GAREM2: variants seen among roughly 807,000 people sequenced by gnomAD.
GAREM2 encodes GRB2-associated and regulator of MAPK protein 2.
GAREM2 carries 30 observed loss-of-function variants against 55.6 expected under a neutral mutation model. The observed-to-expected ratio is 0.54, with a 90% CI of 0.40 to 0.73. The LOEUF (loss-of-function observed/expected upper bound fraction) is 0.73, where lower values mean the gene tolerates loss of function less well. GAREM2 is among the 30% of genes least tolerant of loss of function. GAREM2 has a pLI of 0.00. For missense variants in GAREM2, 1,075 were observed against 1,257.7 expected, an observed-to-expected ratio of 0.85 and a Z score of 2.20; for synonymous variants, 550 against 569.1, an observed-to-expected ratio of 0.97 and a Z score of 0.48.
At chr2:26,191,401 T>C (rs1387891246), downstream of GAREM2, 2 of 1,613,986 alleles carry the variant, frequency 1.2e-6, no homozygotes, top group Non-Finnish European at 1.7e-6. Context: ...AGGCCCTGAA[T>C]AGAGAAAGAG....
chr2:26,200,735 CTT>C, the GAREM2 span, among the ~76,000 whole-genome samples: 420 of 138,802 alleles, frequency 3.0e-3, no homozygotes, highest in Middle Eastern at 7.1e-3. Context: ...AACAAAAAGT[CTT>C]TTTTTTTTTT....
chr2:26,191,736 G>T, downstream of GAREM2: 5 of 1,110,998 alleles, frequency 4.5e-6, no homozygotes, highest in South Asian at 3.8e-5. Flanking sequence ...AGCTCTGTGG[G>T]CCGGTTGGTG....
chr2:26,174,228 C>T (rs1236802264), intron 1 of GAREM2, among the ~76,000 whole-genome samples: 2 of 152,182 alleles, frequency 1.3e-5, no homozygotes, highest in African/African-American at 4.8e-5. Flanking sequence ...TCCGTGGCGG[C>T]CAGGAGTGGG....
Position 26,187,386 on chromosome 2 carries a change from G to C in GAREM2, c.1754G>C (p.Arg585Pro), listed in dbSNP as rs956746017. 1.3e-6 allele frequency: 2 copies of C among 1,546,374 alleles called. No homozygotes were observed. Among genetic ancestry groups the C allele is most frequent in the Non-Finnish European group, 1.7e-6 (2 of 1,144,648 alleles). ...ACCACACAGCCCAGCCAGGCCTCCC[G>C]GGCCCTCACAGAGCCTCTGAGCGGT... ...PSTTQPSQASRALTEPLSGRA... is the reference protein window; with the variant it reads ...PSTTQPSQASPALTEPLSGRA... Residue 585 changes from arginine (R) to proline (P), a missense_variant, in exon 6 of 6, where the codon CGG (arginine) becomes CCG (proline). Physicochemically the swap from Arg to Pro is moderately radical, Grantham distance 103. This residue lies in a region of GAREM2 where 515 missense variants were observed against 501.5 expected (regional missense o/e 1.03). Coordinates refer to ENST00000401533, the MANE Select transcript of GAREM2 (RefSeq NM_001168241.2).
the GAREM2 span, among the ~76,000 whole-genome samples, chr2:26,201,961 A>ATTT: frequency 1.5e-5 from 2 of 137,198 alleles, no homozygotes; most frequent in African/African-American, 5.4e-5. Flanking sequence ...CGCCTGGCTA[A>ATTT]TTTTTTTTTT....
At chr2:26,182,517 C>G in intron 2 of GAREM2, 1 of 1,542,534 alleles carries the variant, frequency 6.5e-7, no homozygotes, top group Non-Finnish European at 8.8e-7. Flanking sequence ...TCATCTGTCC[C>G]TACCCCCTCA....
the GAREM2 span, chr2:26,197,647 G>T: frequency 1.1e-6 from 1 of 879,244 alleles, no homozygotes; most frequent in South Asian, 1.3e-5. Flanking sequence ...CAGTGAATCT[G>T]AAGCAATAAA....
At chr2:26,173,644 CCG>C (rs1415910418) in intron 1 of GAREM2, among the ~76,000 whole-genome samples, 1 of 152,006 alleles carries the variant, frequency 6.6e-6, no homozygotes, top group Non-Finnish European at 1.5e-5. Context: ...CCCCTTTCCC[CCG>C]CTGCCCCTGG....
In GAREM2 at chr2:26,187,500, G is replaced by C. The variant is rs375996014; in HGVS notation, c.1868G>C (p.Arg623Pro). 1 of 1,544,482 alleles carries C rather than the reference G, an allele frequency of 6.5e-7. No homozygotes were observed. The highest frequency in any genetic ancestry group is 1.2e-5 in the South Asian group (1 of 82,856). The stretch of plus-strand genomic sequence containing the variant: ...TTCAAGCCCTCACATCCCCAGAAGC[G>C]CTTTGCTCCGTTTGGAGCTCTCAAC... ...PLFKPSHPQK[R>P]FAPFGALNPF... The change falls in exon 6 of 6, where the codon CGC (arginine) becomes CCC (proline). Residue 623 changes from arginine (R) to proline (P), a missense_variant. Arg to Pro is a moderately radical substitution (Grantham distance 103). Around this residue, in one of 6 missense-constraint regions of GAREM2, gnomAD observed 515 missense variants for 501.5 expected, o/e 1.03. Transcript: ENST00000401533.
At chr2:26,193,511 G>T, downstream of GAREM2, 2 of 1,286,450 alleles carry the variant, frequency 1.6e-6, no homozygotes, top group Non-Finnish European at 2.3e-6. Flanking sequence ...GTAACTCTTT[G>T]GTCTCAGGAA....
chr2:26,190,893 T>G, downstream of GAREM2: 1 of 370,550 alleles, frequency 2.7e-6, no homozygotes, highest in Non-Finnish European at 5.0e-6. Context: ...TTGGTTTTTA[T>G]TGTTATGTGT....
intron 2 of GAREM2, chr2:26,181,622 A>G (rs1422107746): frequency 6.6e-6 from 1 of 152,194 alleles, no homozygotes; most frequent in Non-Finnish European, 1.5e-5. Context: ...TGAGTGCTCC[A>G]TCAATATCTG....
rs1458910030 is a variant in GAREM2, at chr2:26,186,426, G to T, written c.1598+68G>T. On this transcript the variant is annotated intron_variant, in intron 5 of 5. Coordinates refer to ENST00000401533, the MANE Select transcript of GAREM2 (RefSeq NM_001168241.2). ...CAAGGCAGGGAAGGGTGAGGAGGGG[G>T]AACTACAGTGCTGAGGAAGAGGAAG... is the stretch of plus-strand genomic sequence containing the variant. The T allele has an allele frequency of 3.5e-6, 5 of 1,413,000 alleles. No individual in the cohort carries two copies. The African/African-American group carries it at 5.7e-5, about 16-fold the overall frequency. 87.5% of individuals were successfully genotyped at this position (1,413,000 alleles called of 1,614,324 possible).
Position 26,185,426 on chromosome 2 carries a change from C to T in GAREM2, c.1428+150C>T, listed in dbSNP as rs1015024969. 3.9e-6 allele frequency: 5 copies of T among 1,282,768 alleles called. No homozygotes were observed. The South Asian group carries it at 6.6e-5, about 17-fold the overall frequency. 79.5% of individuals were successfully genotyped at this position (1,282,768 alleles called of 1,614,324 possible). ...AAGGAAAGGGCAGAGGCATGCCAGGCAAAAGCATTTGTAGTAAGGGGCACT... is the reference window on the plus strand; with the variant it reads ...AAGGAAAGGGCAGAGGCATGCCAGGTAAAAGCATTTGTAGTAAGGGGCACT... On this transcript the variant is annotated intron_variant, in intron 4 of 5. Coordinates refer to ENST00000401533, the MANE Select transcript of GAREM2 (RefSeq NM_001168241.2).
At chr2:26,201,144 C>A in the GAREM2 span, 1 of 1,607,714 alleles carries the variant, frequency 6.2e-7, no homozygotes. Context: ...CAGCCCCTTG[C>A]TTACCGCTTC....
At position 26,173,133 on chromosome 2, in the gene GAREM2, C is replaced by T. The variant is rs1408493994; in HGVS notation, c.-88C>T. ...GCCAGGCGGCGAGCGCCGCGGCGGC[C>T]CCGGGAGGTGGCGGCGGGCGCGAGA... is the stretch of plus-strand genomic sequence containing the variant. On this transcript the variant is annotated 5_prime_UTR_variant, in exon 1 of 6. Coordinates refer to ENST00000401533, the MANE Select transcript of GAREM2 (RefSeq NM_001168241.2). The T allele has an allele frequency of 8.0e-5, 21 of 263,870 alleles. No homozygotes were observed. The highest frequency in any genetic ancestry group is 6.6e-5 in the Admixed American group (1 of 15,248). The allele number at this position is 263,870 out of a possible 1,614,324, so 16.3% of individuals were successfully genotyped here.
chr2:26,180,371 C>T (rs1669006270), intron 2 of GAREM2, among the ~76,000 whole-genome samples: 2 of 152,104 alleles, frequency 1.3e-5, no homozygotes, highest in Non-Finnish European at 2.9e-5. Flanking sequence ...GATGAACATC[C>T]CCAAAGGGTC....
At chr2:26,201,591 G>A in the GAREM2 span, among the ~76,000 whole-genome samples, 24 of 152,100 alleles carry the variant, frequency 1.6e-4, no homozygotes, top group African/African-American at 5.1e-4. Context: ...CCCAATTTAC[G>A]TAAACTAAAT....
Position 26,187,517 on chromosome 2 carries a change from G to A in GAREM2, c.1885G>A (p.Ala629Thr). The A allele has an allele frequency of 6.5e-7, 1 of 1,539,622 alleles. No homozygotes were observed. Among genetic ancestry groups the A allele is most frequent in the Non-Finnish European group, 8.8e-7 (1 of 1,141,794 alleles). ...CCAGAAGCGCTTTGCTCCGTTTGGA[G>A]CTCTCAACCCTTTTTCCGGGCCTGC... ...HPQKRFAPFG[A>T]LNPFSGPAYP... is the part of the protein sequence containing the mutation. Residue 629 changes from alanine to threonine, a missense_variant, in exon 6 of 6, where the codon GCT becomes ACT. This residue lies in a region of GAREM2 where 515 missense variants were observed against 501.5 expected (regional missense o/e 1.03). Transcript: ENST00000401533.
Sources: gnomAD v4.1 joint callset for allele counts (sites outside exome capture counted in the v4.1 genomes callset) on GRCh38, gnomAD v4.1.1 for gene constraint, gnomAD v4.1.1 regional missense constraint, MANE v1.5 for transcripts, NCBI Gene and HGNC (gene_info 2026-07-23, HGNC 2026-07-21) for gene names.